GABBR1: variants seen among roughly 807,000 people sequenced by gnomAD.
GABBR1 encodes the protein gamma-aminobutyric acid type B receptor subunit 1.
GABBR1 carries 35 observed loss-of-function variants against 117.7 expected under a neutral mutation model. The ratio of observed to expected loss-of-function variants is 0.30; its 90% CI spans 0.23 to 0.39. The LOEUF (loss-of-function observed/expected upper bound fraction) is 0.39, where lower values mean the gene tolerates loss of function less well. Ranked by LOEUF, GABBR1 falls within the 10% of genes least tolerant of loss-of-function variation. The pLI, the probability that GABBR1 is intolerant of heterozygous loss-of-function variation, is 1.00. For missense variants in GABBR1, 709 were observed against 1,241.8 expected, an observed-to-expected ratio of 0.57 and a Z score of 6.45; for synonymous variants, 442 against 486.6, an observed-to-expected ratio of 0.91 and a Z score of 1.21.
rs1037919865 is a variant in GABBR1, at chr6:29,629,039, T to G, written c.496+48A>C. 9 of 1,608,192 alleles carry G rather than the reference T, an allele frequency of 5.6e-6. No homozygotes were observed. The Admixed American group carries it at 1.2e-4, about 21-fold the overall frequency. On this transcript the variant is annotated intron_variant, in intron 5 of 22. Coordinates refer to ENST00000377034, the MANE Select transcript of GABBR1 (RefSeq NM_001470.4). Reference sequence around the variant, plus strand: ...TTTCAGGGGGGTGGAGGGTGCAGAGTGAAGGGGAGGGCATTGCAGTGCGCG... The same window carrying G: ...TTTCAGGGGGGTGGAGGGTGCAGAGGGAAGGGGAGGGCATTGCAGTGCGCG...
In GABBR1 at chr6:29,632,799, C is replaced by G. The variant is rs1240119530; in HGVS notation, c.-1+51G>C. On this transcript the variant is annotated intron_variant, in intron 1 of 22. Transcript: ENST00000377034. The surrounding 1 kb of genome is among the most constrained non-coding windows in gnomAD (Gnocchi z 5.8). ...GCGCCCACTGCCCCCTCCCCCACCA[C>G]GCCGCGCGCCCCCTCTCCGAGCCCT... 8.2e-6 allele frequency: 6 copies of G among 735,906 alleles called. No homozygotes were observed. The highest frequency in any genetic ancestry group is 1.1e-5 in the Non-Finnish European group (6 of 555,602). 45.6% of individuals were successfully genotyped at this position (735,906 alleles called of 1,614,324 possible).
chr6:29,613,153 A>C lies in GABBR1; in HGVS notation c.1566+90T>G. The stretch of plus-strand genomic sequence containing the variant: ...ATTCTGCAAAGAAGTAACTGAGAAA[A>C]ACAGAGAATGCATGTTTGTAGAAGG... On this transcript the variant is annotated intron_variant, in intron 12 of 22. Transcript: ENST00000377034. This position sits in a 1 kb window ranked among gnomAD's most constrained non-coding sequence, Gnocchi z 4.1. The C allele has an allele frequency of 2.2e-6, 3 of 1,383,204 alleles. No individual in the cohort carries two copies. The South Asian group carries it at 3.9e-5, about 18-fold the overall frequency. 85.7% of individuals were successfully genotyped at this position (1,383,204 alleles called of 1,614,324 possible).
intron 11 of GABBR1, among the ~76,000 whole-genome samples, chr6:29,615,685 C>T (rs889441414): frequency 2.6e-5 from 4 of 151,224 alleles, no homozygotes; most frequent in African/African-American, 9.8e-5. Flanking sequence ...TTTTCAGAGG[C>T]CAACGCAGGA....
rs967925261 is a variant in GABBR1, at chr6:29,609,170, A to G, written c.1859+59T>C. The G allele has an allele frequency of 2.0e-6, 3 of 1,534,304 alleles. No homozygotes were observed. The highest frequency in any genetic ancestry group is 1.8e-6 in the Non-Finnish European group (2 of 1,110,784). On this transcript the variant is annotated intron_variant, in intron 15 of 22. Coordinates refer to ENST00000377034, the MANE Select transcript of GABBR1 (RefSeq NM_001470.4). The surrounding 1 kb of genome is among the most constrained non-coding windows in gnomAD (Gnocchi z 4.3). Reference sequence around the variant, plus strand: ...CACAGGTTTTATTCTCATCCTGTCCAGGAACATGATCAGTATCTCAGAGAG... The same window carrying G: ...CACAGGTTTTATTCTCATCCTGTCCGGGAACATGATCAGTATCTCAGAGAG...
Position 29,630,415 on chromosome 6 carries a change from C to G in GABBR1, c.475+43G>C, listed in dbSNP as rs376213622. 6.4e-7 allele frequency: 1 copy of G among 1,559,484 alleles called. No homozygotes were observed. Among genetic ancestry groups the G allele is most frequent in the Non-Finnish European group, 8.8e-7 (1 of 1,134,346 alleles). On this transcript the variant is annotated intron_variant, in intron 4 of 22. Transcript: ENST00000377034. This position sits in a 1 kb window ranked among gnomAD's most constrained non-coding sequence, Gnocchi z 4.9. ...TTCCCACCCCACTCCCATCCTCACACAAGCGTCCTCATCAGCTGCATGCAG... is the reference window on the plus strand; with the variant it reads ...TTCCCACCCCACTCCCATCCTCACAGAAGCGTCCTCATCAGCTGCATGCAG...
In GABBR1 at chr6:29,621,014, C is replaced by A; in HGVS notation, c.1323+87G>T. ...TCTCCTTTATATCCAAATTCCGCAC[C>A]CTCTCCCTGCCACCCTTTCCCCTGC... On this transcript the variant is annotated intron_variant, in intron 11 of 22. Coordinates refer to ENST00000377034, the MANE Select transcript of GABBR1 (RefSeq NM_001470.4). This position sits in a 1 kb window ranked among gnomAD's most constrained non-coding sequence, Gnocchi z 5.0. 8.4e-7 allele frequency: 1 copy of A among 1,192,288 alleles called. No homozygotes were observed. The highest frequency in any genetic ancestry group is 1.4e-5 in the South Asian group (1 of 69,502). 73.9% of individuals were successfully genotyped at this position (1,192,288 alleles called of 1,614,324 possible). A position where few individuals can be genotyped will look rare whatever the true frequency, so the allele number is the denominator to read the frequency against.
rs1183424381 is a variant in GABBR1 at position 29,608,638 on chromosome 6, T to C, written c.1955A>G (p.Tyr652Cys). Residue 652 changes from tyrosine (Y) to cysteine (C), a missense_variant, in exon 16 of 23, where the codon TAC becomes TGC. Coordinates refer to ENST00000377034, the MANE Select transcript of GABBR1 (RefSeq NM_001470.4). ...AAVFPLGLDG[Y>C]HIGRNQFPFV... ...AGGAAACTGGTTCCTCCCAATGTGG[T>C]AACCATCGAGCCCCAGGGGGAAGAC... 1.2e-6 allele frequency: 2 copies of C among 1,612,948 alleles called. No homozygotes were observed. Among genetic ancestry groups the C allele is most frequent in the South Asian group, 1.1e-5 (1 of 91,056 alleles).
Position 29,605,641 on chromosome 6 carries a change from A to G in GABBR1, c.2367T>C (p.Tyr789=). The G allele has an allele frequency of 6.2e-7, 1 of 1,613,120 alleles. No individual in the cohort carries two copies. The highest frequency in any genetic ancestry group is 1.6e-4 in the Middle Eastern group (1 of 6,062). ...TCTCAGTGGACACACTCTTGGTCTC[A>G]TAAGCAAGGAAGATTCCCAGCAGCA... ...LLLLLGIFLA[Y]ETKSVSTEKI... is the part of the protein sequence containing the mutation. The change falls in exon 20 of 23, where the codon TAT becomes TAC. Residue 789 remains tyrosine (Y), a synonymous_variant. Coordinates refer to ENST00000377034, the MANE Select transcript of GABBR1 (RefSeq NM_001470.4). This position sits in a 1 kb window ranked among gnomAD's most constrained non-coding sequence, Gnocchi z 4.2.
In GABBR1 at chr6:29,632,256, G is replaced by A. The variant is rs780365521; in HGVS notation, c.85+45C>T. On this transcript the variant is annotated intron_variant, in intron 2 of 22. Coordinates refer to ENST00000377034, the MANE Select transcript of GABBR1 (RefSeq NM_001470.4). This position sits in a 1 kb window ranked among gnomAD's most constrained non-coding sequence, Gnocchi z 5.8. ...AGAAATGAGGAGATGCAGGGAAAGGGAAGTGGAGCGAAGGAGGGCCGGAGG... is the reference window on the plus strand; with the variant it reads ...AGAAATGAGGAGATGCAGGGAAAGGAAAGTGGAGCGAAGGAGGGCCGGAGG... The A allele has an allele frequency of 7.2e-6, 8 of 1,117,712 alleles. No homozygotes were observed. Among genetic ancestry groups the A allele is most frequent in the South Asian group, 2.0e-5 (1 of 49,114 alleles). 69.2% of individuals were successfully genotyped at this position (1,117,712 alleles called of 1,614,324 possible).
At chr6:29,618,562 T>C (rs1464794139) in intron 11 of GABBR1, among the ~76,000 whole-genome samples, 1 of 152,176 alleles carries the variant, frequency 6.6e-6, no homozygotes. Context: ...GGCTAAAATG[T>C]ATATCTTGAG....
In GABBR1 at chr6:29,605,532, C is replaced by A; in HGVS notation, c.2439+37G>T. 6.2e-7 allele frequency: 1 copy of A among 1,608,762 alleles called. No individual in the cohort carries two copies. Among genetic ancestry groups the A allele is most frequent in the South Asian group, 1.1e-5 (1 of 90,650 alleles). Reference sequence around the variant, plus strand: ...TCCTCTATATCTGGGCTGCTGTGGTCAGCCTACAGGGTCAATGCCATGGGG... The same window carrying A: ...TCCTCTATATCTGGGCTGCTGTGGTAAGCCTACAGGGTCAATGCCATGGGG... On this transcript the variant is annotated intron_variant, in intron 20 of 22. Transcript: ENST00000377034. This position sits in a 1 kb window ranked among gnomAD's most constrained non-coding sequence, Gnocchi z 4.2.
At chr6:29,608,516 G>A in intron 16 of GABBR1, 85 bp downstream of exon 16, 4 of 1,396,642 alleles carry the variant, frequency 2.9e-6, no homozygotes, top group South Asian at 2.6e-5. Context: ...AGGAGGAAGG[G>A]CAGAGAATCA....
Position 29,627,261 on chromosome 6 carries a change from C to G in GABBR1, c.657+225G>C, listed in dbSNP as rs1186177997. Among the ~76,000 whole-genome samples, 2 of 152,192 alleles carry G rather than the reference C, an allele frequency of 1.3e-5. No individual in the cohort carries two copies. The highest frequency in any genetic ancestry group is 2.9e-5 in the Non-Finnish European group (2 of 68,024). On this transcript the variant is annotated intron_variant, in intron 6 of 22. Coordinates refer to ENST00000377034, the MANE Select transcript of GABBR1 (RefSeq NM_001470.4). This position sits in a 1 kb window ranked among gnomAD's most constrained non-coding sequence, Gnocchi z 4.4. ...CAGCGGGGCAGAAGGGTCTGCCTTG[C>G]AGCATGCTTAACCATCTTGAGCCCC...
Position 29,622,151 on chromosome 6 carries a change from G to A in GABBR1, c.1018C>T (p.Arg340Cys). ...VKEAGIEITF[R>C]QSFFSDPAVP... is the part of the protein sequence containing the mutation. ...GCTGGATCTGAGAAGAAACTCTGGC[G>A]GAAAGTAATCTCAATTCCAGCCTCC... Residue 340 changes from arginine (R) to cysteine (C), a missense_variant, in exon 9 of 23, where the codon CGC becomes TGC. Arg to Cys is a radical substitution (Grantham distance 180). Coordinates refer to ENST00000377034, the MANE Select transcript of GABBR1 (RefSeq NM_001470.4). The surrounding 1 kb of genome is among the most constrained non-coding windows in gnomAD (Gnocchi z 4.6). The A allele has an allele frequency of 6.2e-7, 1 of 1,614,162 alleles. No homozygotes were observed. The highest frequency in any genetic ancestry group is 1.3e-5 in the African/African-American group (1 of 75,042).
At position 29,622,941 on chromosome 6, in the gene GABBR1, C is replaced by T. The variant is rs1261824304; in HGVS notation, c.963+364G>A. On this transcript the variant is annotated intron_variant, in intron 8 of 22. Transcript: ENST00000377034. The surrounding 1 kb of genome is among the most constrained non-coding windows in gnomAD (Gnocchi z 4.6). The stretch of plus-strand genomic sequence containing the variant: ...TCCCATTCACACCCACCCACCACCC[C>T]CCTTGAAAGCCTCTGGAATCTGCTG... Among the ~76,000 whole-genome samples the T allele has an allele frequency of 6.6e-6, 1 of 152,000 alleles. No homozygotes were observed. The highest frequency in any genetic ancestry group is 1.5e-5 in the Non-Finnish European group (1 of 68,002).
rs1319975386 is a variant in GABBR1, at chr6:29,611,035, G to A, written c.1631-34C>T. 2 of 1,558,884 alleles carry A rather than the reference G, an allele frequency of 1.3e-6. No homozygotes were observed. Among genetic ancestry groups the A allele is most frequent in the South Asian group, 1.1e-5 (1 of 89,952 alleles). On this transcript the variant is annotated intron_variant, in intron 13 of 22. Coordinates refer to ENST00000377034, the MANE Select transcript of GABBR1 (RefSeq NM_001470.4). This position sits in a 1 kb window ranked among gnomAD's most constrained non-coding sequence, Gnocchi z 4.6. ...ACGACAATAAAAGGAGTGACCACAG[G>A]TAGCCAAAGAGCTGATCCTAGGCAT... is the stretch of plus-strand genomic sequence containing the variant.
Position 29,609,255 on chromosome 6 carries a change from G to A in GABBR1, c.1833C>T (p.Ser611=). 6.2e-7 allele frequency: 1 copy of A among 1,613,020 alleles called. No individual in the cohort carries two copies. The highest frequency in any genetic ancestry group is 1.1e-5 in the South Asian group (1 of 91,076). Residue 611 remains serine, a synonymous_variant, in exon 15 of 23, where the codon TCC becomes TCT. Coordinates refer to ENST00000377034, the MANE Select transcript of GABBR1 (RefSeq NM_001470.4). This position sits in a 1 kb window ranked among gnomAD's most constrained non-coding sequence, Gnocchi z 4.3. ...GGACATGTGAGTTGTAGATGTTAAA[G>A]GACAGACAGACAACAGCTAGGACAA... The part of the protein sequence containing the change: ...LGIVLAVVCL[S]FNIYNSHVRY...
At chr6:29,615,608 T>TAAAAAAAA (rs767969781) in intron 11 of GABBR1, among the ~76,000 whole-genome samples, 4,221 of 126,498 alleles carry the variant, frequency 0.033, 97 homozygotes, top group Middle Eastern at 0.059. Flanking sequence ...GACTCTGCCT[T>TAAAAAAAA]TAAAAAAAAA....
chr6:29,626,809 AT>A (rs1336872454), intron 6 of GABBR1, among the ~76,000 whole-genome samples: 7 of 151,748 alleles, frequency 4.6e-5, no homozygotes, highest in African/African-American at 1.7e-4. Flanking sequence ...TCCCATGTGG[AT>A]CCCCAATCCA....
Sources: gnomAD v4.1 joint callset for allele counts (sites outside exome capture counted in the v4.1 genomes callset) on GRCh38, gnomAD v4.1.1 for gene constraint, Gnocchi (gnomAD v3.1) non-coding constraint, MANE v1.5 for transcripts, NCBI Gene and HGNC (gene_info 2026-07-23, HGNC 2026-07-21) for gene names.